The following GCNT2 variants were observed in gnomAD, a reference collection of about 807,000 sequenced individuals.
GCNT2 encodes the protein N-acetyllactosaminide beta-1,6-N-acetylglucosaminyl-transferase.
A neutral mutation model predicts 34.2 loss-of-function variants in GCNT2; 34 were observed. That is an observed-to-expected ratio of 1.00 (90% CI 0.76 to 1.32). The LOEUF is 1.32. Ranked by LOEUF, GCNT2 falls within the 40% of genes most tolerant of loss-of-function variation. The pLI is 0.00. For synonymous variants in GCNT2, 212 were observed against 188.0 expected (o/e 1.13, Z -1.04); for missense variants, 584 against 489.4 (o/e 1.19, Z -1.82).
At chr6:10,601,943 G>GAAAAAAAAAAAA (rs57927445) in intron 3 of GCNT2, among the ~76,000 whole-genome samples, 2 of 113,050 alleles carry the variant, frequency 1.8e-5, no homozygotes, top group Non-Finnish European at 3.6e-5. Flanking sequence ...TCCATCTCAA[G>GAAAAAAAAAAAA]AAAAAAAAAA....
At chr6:10,524,698 G>A (rs902743221) in intron 1 of GCNT2, among the ~76,000 whole-genome samples, 5 of 152,020 alleles carry the variant, frequency 3.3e-5, no homozygotes, top group African/African-American at 1.2e-4. Flanking sequence ...GCATGGTGGT[G>A]CATACCTGTA....
At chr6:10,542,067 A>G (rs992055273) in intron 3 of GCNT2, among the ~76,000 whole-genome samples, 1 of 152,158 alleles carries the variant, frequency 6.6e-6, no homozygotes, top group Admixed American at 6.6e-5. Flanking sequence ...TATGAAACCA[A>G]TTGTGTTGTT....
intron 3 of GCNT2, 35 bp from the exon 4 acceptor site, chr6:10,621,316 C>T (rs764460705): frequency 4.4e-6 from 6 of 1,350,526 alleles, no homozygotes; most frequent in Non-Finnish European, 6.3e-6. Flanking sequence ...TCTCATGACT[C>T]TCATCTCTAC....
chr6:10,543,437 T>A (rs632460), intron 3 of GCNT2, among the ~76,000 whole-genome samples: 1 of 151,230 alleles, frequency 6.6e-6, no homozygotes. Context: ...ATGATCCACC[T>A]GCCTCGGCCT....
chr6:10,545,623 AG>A (rs1762235023), intron 3 of GCNT2, among the ~76,000 whole-genome samples: 1 of 152,208 alleles, frequency 6.6e-6, no homozygotes, highest in Admixed American at 6.5e-5. Context: ...GTTTTCATGA[AG>A]GGTAAATCAG....
chr6:10,611,733 TTTTG>T (rs1273115673), intron 3 of GCNT2, among the ~76,000 whole-genome samples: 1 of 152,226 alleles, frequency 6.6e-6, no homozygotes, highest in African/African-American at 2.4e-5. Flanking sequence ...TTTCCATTTT[TTTTG>T]TTGTTAAAGT....
rs975887471 is a variant in GCNT2, at chr6:10,529,700, C to T, written c.789C>T (p.Gly263=). The change falls in exon 3 of 5, where the codon GGC becomes GGT. Residue 263 remains glycine (G), a synonymous_variant. Transcript: ENST00000495262. ...CTCATGACATGGTGATTTACTTTGG[C>T]ACGGCCTACGTGGCTCTCACAAGGG... The part of the protein sequence containing the change: ...PPPHDMVIYF[G]TAYVALTRDF... 18 of 1,614,080 alleles carry T rather than the reference C, an allele frequency of 1.1e-5. No individual in the cohort carries two copies. Among genetic ancestry groups the T allele is most frequent in the Admixed American group, 1.7e-5 (1 of 60,010 alleles).
intron 3 of GCNT2, among the ~76,000 whole-genome samples, chr6:10,544,239 A>G (rs1030458048): frequency 1.3e-5 from 2 of 152,004 alleles, no homozygotes; most frequent in Non-Finnish European, 2.9e-5. Flanking sequence ...GCATGAACCC[A>G]GGAGGCGGAG....
At position 10,528,693 on chromosome 6, in the gene GCNT2, G is replaced by T; in HGVS notation, c.-219G>T. ...AATGCAAAGGAGCCACTTCAGAAAT[G>T]TGTCACAGAAAAGTGAAAATGCAAC... is the stretch of plus-strand genomic sequence containing the variant. On this transcript the variant is annotated 5_prime_UTR_variant, in exon 3 of 5. It removes an upstream start codon present in the reference 5' UTR. Transcript: ENST00000495262. The T allele has an allele frequency of 1.7e-6, 1 of 598,274 alleles. No homozygotes were observed. The highest frequency in any genetic ancestry group is 3.0e-6 in the Non-Finnish European group (1 of 337,950). 37.1% of individuals were successfully genotyped at this position (598,274 alleles called of 1,614,324 possible).
intron 3 of GCNT2, chr6:10,582,013 T>C (rs1260017181): frequency 1.9e-5 from 4 of 212,518 alleles, no homozygotes; most frequent in Non-Finnish European, 3.1e-5. Flanking sequence ...TTTATGTGTA[T>C]ATATGTATAT....
intron 3 of GCNT2, among the ~76,000 whole-genome samples, chr6:10,572,762 TAAAAG>T (rs1763610860): frequency 6.6e-6 from 1 of 151,862 alleles, no homozygotes; most frequent in South Asian, 2.1e-4. Context: ...AAATAAAAAA[TAAAAG>T]GATAGATGGC....
At chr6:10,604,698 G>A (rs1429409722) in intron 3 of GCNT2, among the ~76,000 whole-genome samples, 2 of 151,682 alleles carry the variant, frequency 1.3e-5, no homozygotes, top group African/African-American at 2.4e-5. Context: ...CCATTTCTAC[G>A]AAAAATACAA....
At position 10,617,614 on chromosome 6, in the gene GCNT2, A is replaced by AGGTT. The variant is rs774635235; in HGVS notation, c.926-3736_926-3733dup. Among the ~76,000 whole-genome samples the AGGTT allele has an allele frequency of 2.8e-4, 42 of 152,306 alleles. 1 individual carries two copies. The highest frequency in any genetic ancestry group is 6.2e-4 in the South Asian group (3 of 4,828). On this transcript the variant is annotated intron_variant, in intron 3 of 4. Transcript: ENST00000495262. ...TAACCATCTGGGAATGCGGTCCAGT[A>AGGTT]GGTTTCAGCCTTATTTTACCCAGCT...
chr6:10,593,157 T>G (rs1032505783), intron 3 of GCNT2, among the ~76,000 whole-genome samples: 9 of 152,252 alleles, frequency 5.9e-5, no homozygotes, highest in African/African-American at 2.2e-4. Context: ...TAAGTATAAG[T>G]ACAATCATGA....
In GCNT2 at chr6:10,556,044, G is replaced by A. The variant is rs886060902; in HGVS notation, c.925+26208G>A. ...CCCTGAATGGCAGTAACCAGGGGGC[G>A]GGGGTGGCATGGGAAATGAAAGAAA... On this transcript the variant is annotated intron_variant, in intron 3 of 4. Transcript: ENST00000495262. 2.0e-5 allele frequency: 23 copies of A among 1,143,062 alleles called. No homozygotes were observed. The East Asian group carries it at 2.7e-4, about 13-fold the overall frequency. The allele number at this position is 1,143,062 out of a possible 1,614,324, so 70.8% of individuals were successfully genotyped here. A position where few individuals can be genotyped will look rare whatever the true frequency, so the allele number is the denominator to read the frequency against.
chr6:10,559,766 C>G (rs1199157936), intron 3 of GCNT2, among the ~76,000 whole-genome samples: 1 of 152,232 alleles, frequency 6.6e-6, no homozygotes. Context: ...CTGTCTGATT[C>G]TGCAAGGGAT....
intron 3 of GCNT2, chr6:10,556,838 G>A (rs1488178389): frequency 6.2e-7 from 1 of 1,614,182 alleles, no homozygotes; most frequent in Admixed American, 1.7e-5. Flanking sequence ...AGATGCGGTA[G>A]AGCAACTATT....
At chr6:10,587,335 G>A (rs1222836370) in intron 3 of GCNT2, among the ~76,000 whole-genome samples, 1 of 152,192 alleles carries the variant, frequency 6.6e-6, no homozygotes, top group East Asian at 1.9e-4. Context: ...CAAAGTTCAT[G>A]GAGCTGTTAC....
chr6:10,617,753 T>C (rs969434723), intron 3 of GCNT2, among the ~76,000 whole-genome samples: 43 of 31,036 alleles, frequency 1.4e-3, no homozygotes, highest in Admixed American at 2.9e-3. Context: ...ATTTCTTCTT[T>C]TTTTTTTTTT....
Sources: allele counts gnomAD v4.1 joint callset (sites outside exome capture counted in the v4.1 genomes callset), GRCh38; gene constraint gnomAD v4.1.1; transcripts MANE v1.5; gene names NCBI Gene and HGNC (gene_info 2026-07-23, HGNC 2026-07-21).